TESMIN: variants seen among roughly 807,000 people sequenced by gnomAD.
The protein encoded by TESMIN is testis expressed metallothionein like protein.
TESMIN carries 34 observed loss-of-function variants against 47.4 expected under a neutral mutation model. That is an observed-to-expected ratio of 0.72 (90% CI 0.55 to 0.96). TESMIN has a LOEUF of 0.96. TESMIN is among the 40% of genes least tolerant of loss of function. TESMIN has a pLI of 0.00. For missense variants in TESMIN, 610 were observed against 637.2 expected (o/e 0.96, Z 0.46); for synonymous variants, 278 against 258.9 (o/e 1.07, Z -0.71).
rs1418313928 is a variant in TESMIN at position 68,738,795 on chromosome 11, A to C, written c.829-7T>G. 6 of 1,607,874 alleles carry C rather than the reference A, an allele frequency of 3.7e-6. No homozygotes were observed. The highest frequency in any genetic ancestry group is 5.1e-6 in the Non-Finnish European group (6 of 1,174,394). ...ATGGTAAGGCTCCCTCAAGCTGTTC[A>C]AAGTCAAAGGCAAGGATATTTTGAA... On this transcript the variant is annotated splice_region_variant and splice_polypyrimidine_tract_variant and intron_variant, in intron 5 of 9. Transcript: ENST00000255087.
chr11:68,715,974 A>G, intron 6 of TESMIN, 35 bp from the exon 7 acceptor site: 5 of 1,375,446 alleles, frequency 3.6e-6, no homozygotes, highest in Non-Finnish European at 5.2e-6. Context: ...TGGCAGGCAC[A>G]GACGGCACAG....
At chr11:68,725,508 G>A (rs1162104300) in intron 6 of TESMIN, among the ~76,000 whole-genome samples, 1 of 152,082 alleles carries the variant, frequency 6.6e-6, no homozygotes, top group Non-Finnish European at 1.5e-5. Flanking sequence ...CTGCCCTGTG[G>A]CTTGCTGAGA....
At chr11:68,712,590 A>G (rs1387716612) in intron 8 of TESMIN, among the ~76,000 whole-genome samples, 1 of 152,192 alleles carries the variant, frequency 6.6e-6, no homozygotes, top group Non-Finnish European at 1.5e-5. Context: ...CCTCAACACA[A>G]AGGAAAAGAG....
intron 6 of TESMIN, chr11:68,736,649 T>G: frequency 1.0e-6 from 1 of 984,178 alleles, no homozygotes; most frequent in African/African-American, 1.7e-5. Flanking sequence ...ACATCTCATG[T>G]TTTTCCTGGC....
At chr11:68,710,037 A>C (rs1220443029) in intron 9 of TESMIN, among the ~76,000 whole-genome samples, 2 of 152,180 alleles carry the variant, frequency 1.3e-5, no homozygotes. Flanking sequence ...GCGTGCCTGT[A>C]GTCCCAGCTA....
intron 6 of TESMIN, among the ~76,000 whole-genome samples, chr11:68,719,420 G>C (rs1946179215): frequency 6.6e-6 from 1 of 152,184 alleles, no homozygotes; most frequent in African/African-American, 2.4e-5. Context: ...TCTCATGTCT[G>C]GGTGTGGGAA....
chr11:68,747,129 A>G (rs758181722), intron 3 of TESMIN, 79 bp downstream of exon 3: 1 of 1,477,900 alleles, frequency 6.8e-7, no homozygotes, highest in South Asian at 1.1e-5. Context: ...AACGAGTGAA[A>G]TGATCAGTCG....
chr11:68,748,795 G>A (rs1176864218), intron 2 of TESMIN, among the ~76,000 whole-genome samples: 1 of 152,174 alleles, frequency 6.6e-6, no homozygotes, highest in East Asian at 1.9e-4. Context: ...TTGGATTAAA[G>A]AGAATTTTAC....
chr11:68,748,765 A>C (rs1400509210), intron 2 of TESMIN, among the ~76,000 whole-genome samples: 4 of 152,354 alleles, frequency 2.6e-5, no homozygotes, highest in African/African-American at 9.6e-5. Flanking sequence ...TTAGTTTGTC[A>C]GACCAGCAAT....
intron 6 of TESMIN, among the ~76,000 whole-genome samples, chr11:68,726,225 C>G (rs560352260): frequency 3.5e-4 from 53 of 152,272 alleles, no homozygotes; most frequent in South Asian, 1.7e-3. Context: ...GCCCTGAAAA[C>G]AAATGGCAAG....
rs1946480664 is a variant in TESMIN, at chr11:68,743,273, T to G, written c.752-879A>C. On this transcript the variant is annotated intron_variant, in intron 4 of 9. Transcript: ENST00000255087. ...TTTTTTTTTGAGACAGGGTCTCACT[T>G]TGTCACCCAGGCTAGAGTGCAGTAG... Among the ~76,000 whole-genome samples the G allele has an allele frequency of 1.3e-5, 2 of 148,506 alleles. 1 individual carries two copies. The highest frequency in any genetic ancestry group is 1.3e-4 in the Admixed American group (2 of 14,872).
intron 6 of TESMIN, among the ~76,000 whole-genome samples, chr11:68,720,432 C>T (rs1946191466): frequency 6.6e-6 from 1 of 152,168 alleles, no homozygotes; most frequent in Non-Finnish European, 1.5e-5. Context: ...AGATTTCCTC[C>T]TCCTGCCCAC....
At position 68,750,543 on chromosome 11, in the gene TESMIN, T is replaced by C; in HGVS notation, c.118A>G (p.Lys40Glu). 1 of 1,606,518 alleles carries C rather than the reference T, an allele frequency of 6.2e-7. No homozygotes were observed. The highest frequency in any genetic ancestry group is 8.5e-7 in the Non-Finnish European group (1 of 1,177,276). Residue 40 changes from lysine to glutamate, a missense_variant, in exon 2 of 10, where the codon AAG becomes GAG. Lys to Glu is a moderately conservative substitution (Grantham distance 56, BLOSUM62 1). Transcript: ENST00000255087. The part of the protein sequence containing the change: ...SENIGLKAPV[K>E]YEEDEFHVFK... ...ACGTGGAACTCGTCCTCCTCGTACTTCACGGGGGCCTTCAGGCCGATGTTC... is the reference window on the plus strand; with the variant it reads ...ACGTGGAACTCGTCCTCCTCGTACTCCACGGGGGCCTTCAGGCCGATGTTC...
Position 68,710,150 on chromosome 11 carries a change from C to A in TESMIN, c.1334+724G>T, listed in dbSNP as rs537362233. On this transcript the variant is annotated intron_variant, in intron 9 of 9. Coordinates refer to ENST00000255087, the MANE Select transcript of TESMIN (RefSeq NM_004923.3). ...TCCAGCCTGAGCAACTGAGTGAAAG[C>A]CCTGGTCTCAAAAAAAAGACCCCTG... Among the ~76,000 whole-genome samples the A allele has an allele frequency of 6.6e-5, 10 of 152,204 alleles. No individual in the cohort carries two copies. The South Asian group carries it at 1.9e-3, about 28-fold the overall frequency.
chr11:68,737,844 C>G, intron 6 of TESMIN: 2 of 836,582 alleles, frequency 2.4e-6, no homozygotes, highest in Non-Finnish European at 2.9e-6. Flanking sequence ...ACCCAGGAGG[C>G]GGAGGTTGCA....
chr11:68,720,456 C>CAAT (rs991170317), intron 6 of TESMIN, among the ~76,000 whole-genome samples: 6 of 152,184 alleles, frequency 3.9e-5, no homozygotes, highest in African/African-American at 1.4e-4. Context: ...CTCTCAAAGG[C>CAAT]AATCAACCAG....
intron 6 of TESMIN, among the ~76,000 whole-genome samples, chr11:68,726,378 A>G (rs1411935642): frequency 6.6e-6 from 1 of 152,206 alleles, no homozygotes; most frequent in Non-Finnish European, 1.5e-5. Flanking sequence ...CCAAGCTCCA[A>G]GTGGAAGCAA....
At chr11:68,723,569 G>C (rs1461319209) in intron 6 of TESMIN, among the ~76,000 whole-genome samples, 1 of 150,410 alleles carries the variant, frequency 6.6e-6, no homozygotes, top group Admixed American at 6.6e-5. Context: ...GCAGTAAAAA[G>C]CAGAAATTAA....
rs377582970 is a variant in TESMIN, at chr11:68,742,880, TC to T, written c.752-487del. Among the ~76,000 whole-genome samples the T allele has an allele frequency of 5.5e-4, 84 of 152,112 alleles. 1 individual carries two copies. In the South Asian group the frequency reaches 0.016, roughly 29 times the overall value. ...TATTTTATGTTTTCTTTTTTTTTTT[TC>T]TTTTTGCTTTTTTGAGATAGGATCT... On this transcript the variant is annotated intron_variant, in intron 4 of 9. Transcript: ENST00000255087.
Sources: gnomAD v4.1 joint callset for allele counts (sites outside exome capture counted in the v4.1 genomes callset) on GRCh38, gnomAD v4.1.1 for gene constraint, MANE v1.5 for transcripts, NCBI Gene and HGNC (gene_info 2026-07-23, HGNC 2026-07-21) for gene names.